The following MYO3B variants were observed in gnomAD, a reference collection of about 807,000 sequenced individuals.
The protein encoded by MYO3B is myosin IIIB, also known as myosin-IIIb.
MYO3B carries 156 observed loss-of-function variants against 174.6 expected under a neutral mutation model. That is an observed-to-expected ratio of 0.89 (90% CI 0.78 to 1.02). The LOEUF (loss-of-function observed/expected upper bound fraction) is 1.02, where lower values mean the gene tolerates loss of function less well. Ranked by LOEUF, MYO3B falls within the 50% of genes least tolerant of loss-of-function variation. MYO3B has a pLI of 0.00. For missense variants in MYO3B, 1,632 were observed against 1,639.4 expected (o/e 1.00, Z 0.08); for synonymous variants, 563 against 569.1 (o/e 0.99, Z 0.15).
chr2:170,220,811 C>T (rs2092890530), intron 6 of MYO3B, among the ~76,000 whole-genome samples: 1 of 150,962 alleles, frequency 6.6e-6, no homozygotes, highest in East Asian at 1.9e-4. Flanking sequence ...ACCTTGACAG[C>T]ACGTTGCAGG....
At position 170,599,469 on chromosome 2, in the gene MYO3B, G is replaced by A. The variant is rs184626898; in HGVS notation, c.3734-52159G>A. Among the ~76,000 whole-genome samples the A allele has an allele frequency of 1.9e-3, 295 of 152,180 alleles. 2 individuals carry two copies. Among genetic ancestry groups the A allele is most frequent in the Non-Finnish European group, 3.7e-3 (251 of 68,026 alleles). Reference sequence around the variant, plus strand: ...TATTTATCATTTGTTTGTTTTTACCGTTAAAAGGGTTTTTTTGCCGTAATC... The same window carrying A: ...TATTTATCATTTGTTTGTTTTTACCATTAAAAGGGTTTTTTTGCCGTAATC... On this transcript the variant is annotated intron_variant, in intron 32 of 34. Transcript: ENST00000408978.
intron 32 of MYO3B, among the ~76,000 whole-genome samples, chr2:170,566,291 T>A (rs1692072891): frequency 6.6e-6 from 1 of 152,218 alleles, no homozygotes; most frequent in African/African-American, 2.4e-5. Context: ...CTAGTTAGAA[T>A]GATTATTTCG....
intron 7 of MYO3B, among the ~76,000 whole-genome samples, chr2:170,307,787 A>G (rs1216657700): frequency 6.6e-6 from 1 of 152,220 alleles, no homozygotes; most frequent in Non-Finnish European, 1.5e-5. Flanking sequence ...AGGCAGTCAC[A>G]TTTATATCTG....
intron 1 of MYO3B, among the ~76,000 whole-genome samples, chr2:170,188,909 CTG>C (rs2092505076): frequency 6.6e-6 from 1 of 152,074 alleles, no homozygotes; most frequent in African/African-American, 2.4e-5. Context: ...TTATAATATT[CTG>C]TGTTTTTCTG....
intron 6 of MYO3B, among the ~76,000 whole-genome samples, chr2:170,230,140 G>A (rs2092997766): frequency 6.7e-6 from 1 of 149,726 alleles, no homozygotes; most frequent in African/African-American, 2.5e-5. Context: ...CATTCTTCTG[G>A]TATTAATCTC....
rs571473276 is a variant in MYO3B at position 170,625,903 on chromosome 2, A to C, written c.3734-25725A>C. Among the ~76,000 whole-genome samples, 43 of 152,302 alleles carry C rather than the reference A, an allele frequency of 2.8e-4. No individual in the cohort carries two copies. In the South Asian group the frequency reaches 2.9e-3, roughly 10 times the overall value. ...TAATCCTGAGTTCTAGTTTGATTGC[A>C]CTGTGGTCTGAGAGACAGTTTGTTA... On this transcript the variant is annotated intron_variant, in intron 32 of 34. Transcript: ENST00000408978.
chr2:170,625,113 A>G (rs1696294409), intron 32 of MYO3B, among the ~76,000 whole-genome samples: 1 of 152,112 alleles, frequency 6.6e-6, no homozygotes, highest in South Asian at 2.1e-4. Flanking sequence ...GTCTTTTTCC[A>G]TTGATTGGAA....
chr2:170,248,806 G>A (rs1431317808), intron 7 of MYO3B, among the ~76,000 whole-genome samples: 1 of 152,144 alleles, frequency 6.6e-6, no homozygotes, highest in East Asian at 1.9e-4. Context: ...AACCATACCT[G>A]CATATAAACT....
intron 32 of MYO3B, among the ~76,000 whole-genome samples, chr2:170,568,944 T>C (rs1267615747): frequency 6.6e-6 from 1 of 152,158 alleles, no homozygotes; most frequent in East Asian, 1.9e-4. Context: ...CTTGGTGACA[T>C]GTGTGTCCTA....
rs375060842 is a variant in MYO3B at position 170,261,382 on chromosome 2, AAAAACAAAAC to A, written c.749+25262_749+25271del. 1.2e-4 allele frequency among the ~76,000 whole-genome samples: 19 copies of A among 152,278 alleles called. 1 individual carries two copies. The highest frequency in any genetic ancestry group is 4.6e-4 in the African/African-American group (19 of 41,562). On this transcript the variant is annotated intron_variant, in intron 7 of 34. Coordinates refer to ENST00000408978, the MANE Select transcript of MYO3B (RefSeq NM_138995.5). ...ACATAGCTAGACCCTGTCTCTACCA[AAAAACAAAAC>A]AAAACAAAACAAAACCTGGACATGG...
chr2:170,565,378 G>A (rs1692000493), intron 32 of MYO3B, among the ~76,000 whole-genome samples: 1 of 152,188 alleles, frequency 6.6e-6, no homozygotes, highest in Non-Finnish European at 1.5e-5. Flanking sequence ...ACTGAATGAT[G>A]TTCATTTTGG....
chr2:170,478,358 G>A (rs940625049), intron 25 of MYO3B, among the ~76,000 whole-genome samples: 1 of 152,080 alleles, frequency 6.6e-6, no homozygotes, highest in Non-Finnish European at 1.5e-5. Flanking sequence ...CGGGATGAAT[G>A]AATATTAAGT....
chr2:170,191,065 C>T lies in MYO3B; in HGVS notation c.3-8143C>T, dbSNP rs543785070. Among the ~76,000 whole-genome samples, 6 of 152,016 alleles carry T rather than the reference C, an allele frequency of 3.9e-5. No homozygotes were observed. In the South Asian group the frequency reaches 1.2e-3, roughly 32 times the overall value. ...TGCTCTTATTAGCAAGTGATGAATC[C>T]TGTCAGGACTGGGTCCTTCCCTTTA... On this transcript the variant is annotated intron_variant, in intron 1 of 34. Coordinates refer to ENST00000408978, the MANE Select transcript of MYO3B (RefSeq NM_138995.5).
chr2:170,451,837 G>A (rs1049077741), intron 23 of MYO3B, among the ~76,000 whole-genome samples: 3 of 152,094 alleles, frequency 2.0e-5, no homozygotes, highest in African/African-American at 7.2e-5. Context: ...AGGCACAGCT[G>A]GAAGGCAAAA....
intron 32 of MYO3B, among the ~76,000 whole-genome samples, chr2:170,590,319 A>G (rs1364077474): frequency 6.6e-6 from 1 of 152,152 alleles, no homozygotes; most frequent in Non-Finnish European, 1.5e-5. Context: ...CAAAAGTTCT[A>G]TCTTAACTTT....
chr2:170,604,467 T>C (rs950080835), intron 32 of MYO3B, among the ~76,000 whole-genome samples: 9 of 151,850 alleles, frequency 5.9e-5, no homozygotes, highest in African/African-American at 2.2e-4. Context: ...CAATTAAAAC[T>C]GTTAATTAAA....
chr2:170,333,462 G>A (rs1030370710), intron 7 of MYO3B, among the ~76,000 whole-genome samples: 1 of 152,142 alleles, frequency 6.6e-6, no homozygotes, highest in African/African-American at 2.4e-5. Context: ...ATAGGTTTTT[G>A]AATTATAAGA....
chr2:170,363,798 A>G (rs899680290), intron 8 of MYO3B, among the ~76,000 whole-genome samples: 178 of 152,292 alleles, frequency 1.2e-3, no homozygotes, highest in African/African-American at 4.1e-3. Flanking sequence ...CCTTATTTCC[A>G]GAGTCTCTTG....
At chr2:170,331,452 T>C (rs2093910975) in intron 7 of MYO3B, among the ~76,000 whole-genome samples, 1 of 152,102 alleles carries the variant, frequency 6.6e-6, no homozygotes, top group Non-Finnish European at 1.5e-5. Context: ...GACTAGGATG[T>C]GAAAGAGGGG....
Sources: allele counts gnomAD v4.1 joint callset (sites outside exome capture counted in the v4.1 genomes callset), GRCh38; gene constraint gnomAD v4.1.1; transcripts MANE v1.5; gene names NCBI Gene and HGNC (gene_info 2026-07-23, HGNC 2026-07-21).